Variants in HERC1 observed in about 807,000 individuals in gnomAD.
The protein encoded by HERC1 is HECT and RLD domain containing E3 ubiquitin protein ligase family member 1, also known as probable E3 ubiquitin-protein ligase HERC1.
Under a neutral mutation model 554.3 loss-of-function variants are expected in HERC1, and 160 were observed. The ratio of observed to expected loss-of-function variants is 0.29; its 90% CI spans 0.25 to 0.33. HERC1 has a LOEUF of 0.33. Ranked by LOEUF, HERC1 falls within the 10% of genes least tolerant of loss-of-function variation. The probability of loss-of-function intolerance (pLI) is 1.00; values close to 1 mark genes in which losing one functional copy is unlikely to be tolerated. For missense variants in HERC1, 4,919 were observed against 5,918.5 expected, an observed-to-expected ratio of 0.83 and a Z score of 5.54; for synonymous variants, 2,175 against 2,131.7, an observed-to-expected ratio of 1.02 and a Z score of -0.56.
rs2075856790 is a variant in HERC1 at position 63,768,656 on chromosome 15, G to A, written c.931-4465C>T. 4.6e-5 allele frequency among the ~76,000 whole-genome samples: 7 copies of A among 152,268 alleles called. 1 individual carries two copies. In the South Asian group the frequency reaches 1.5e-3, roughly 32 times the overall value. On this transcript the variant is annotated intron_variant, in intron 2 of 77. Coordinates refer to ENST00000443617, the MANE Select transcript of HERC1 (RefSeq NM_003922.4). ...GTACCTTTCTAGGAGCTGGCACCAG[G>A]GCCATCATGATCCCTCTTTTATGCC...
At chr15:63,668,412 G>A (rs779613526) in intron 40 of HERC1, among the ~76,000 whole-genome samples, 5 of 152,164 alleles carry the variant, frequency 3.3e-5, no homozygotes, top group Admixed American at 6.5e-5. Flanking sequence ...AGAACTGCTT[G>A]AGCCCAAGAG....
rs1212727236 is a variant in HERC1 at position 63,712,921 on chromosome 15, GT to G, written c.4464-27del. Reference sequence around the variant, plus strand: ...CTGTCTCACATGTACAAAAAAAAAAGTTTTTTGATTTAGGACTGTTAGTGAA... The same window carrying G: ...CTGTCTCACATGTACAAAAAAAAAAGTTTTTGATTTAGGACTGTTAGTGAA... On this transcript the variant is annotated intron_variant, in intron 23 of 77. Coordinates refer to ENST00000443617, the MANE Select transcript of HERC1 (RefSeq NM_003922.4). 3.1e-6 allele frequency: 5 copies of G among 1,591,360 alleles called. No homozygotes were observed. The East Asian group carries it at 1.1e-4, about 36-fold the overall frequency.
chr15:63,673,358 C>T (rs2071032276), intron 38 of HERC1, among the ~76,000 whole-genome samples: 1 of 152,124 alleles, frequency 6.6e-6, no homozygotes. Flanking sequence ...TACTTATATA[C>T]ACCATGTACC....
At chr15:63,788,183 A>G (rs993525741) in intron 1 of HERC1, among the ~76,000 whole-genome samples, 30 of 152,204 alleles carry the variant, frequency 2.0e-4, no homozygotes, top group African/African-American at 7.0e-4. Context: ...TTGGGTTTCT[A>G]TTCTATAATC....
rs368913039 is a variant in HERC1, at chr15:63,654,329, A to G, written c.10085-5T>C. 15 of 1,609,278 alleles carry G rather than the reference A, an allele frequency of 9.3e-6. No homozygotes were observed. The African/African-American group carries it at 1.9e-4, about 20-fold the overall frequency. On this transcript the variant is annotated splice_polypyrimidine_tract_variant and splice_region_variant and intron_variant, in intron 50 of 77. Transcript: ENST00000443617. ...CATTAGCCAACTCCAGAGGGCCTACAGCAGAAGGATCATAGGAAGGATGGG... is the reference window on the plus strand; with the variant it reads ...CATTAGCCAACTCCAGAGGGCCTACGGCAGAAGGATCATAGGAAGGATGGG...
At position 63,624,225 on chromosome 15, in the gene HERC1, T is replaced by A; in HGVS notation, c.13378A>T (p.Ile4460Leu). The A allele has an allele frequency of 6.2e-7, 1 of 1,613,984 alleles. No homozygotes were observed. The highest frequency in any genetic ancestry group is 1.1e-5 in the South Asian group (1 of 91,080). ...TTGCCTTGAACCATGGTTTTTCCTATGGAGCGCACCATTGGCAGAGTGTAG... is the reference window on the plus strand; with the variant it reads ...TTGCCTTGAACCATGGTTTTTCCTAAGGAGCGCACCATTGGCAGAGTGTAG... ...RVYTLPMVRS[I>L]GKTMVQGKNY... The change falls in exon 72 of 78, where the codon ATA becomes TTA. Residue 4460 changes from isoleucine to leucine, a missense_variant. Physicochemically the swap from Ile to Leu is conservative, Grantham distance 5. Coordinates refer to ENST00000443617, the MANE Select transcript of HERC1 (RefSeq NM_003922.4).
In HERC1 at chr15:63,749,500, G is replaced by A; in HGVS notation, c.2086C>T (p.Gln696Ter). Residue 696 changes from glutamine to a stop codon, truncating the protein, a stop_gained, in exon 10 of 78, where the codon CAA becomes TAA. Transcript: ENST00000443617. LOFTEE classifies it high-confidence loss of function. This position sits in a 1 kb window ranked among gnomAD's most constrained non-coding sequence, Gnocchi z 4.1. ...CCTGTGGAATTTCCCTGACCACATT[G>A]CCCCATTGAGTTATTGCCCCAGGCA... ...VYAWGNNSMG[Q>*]CGQGNSTGPI... is the part of the protein sequence containing the mutation. 1 of 1,613,084 alleles carries A rather than the reference G, an allele frequency of 6.2e-7. No individual in the cohort carries two copies. Among genetic ancestry groups the A allele is most frequent in the Non-Finnish European group, 8.5e-7 (1 of 1,179,452 alleles).
Position 63,754,555 on chromosome 15 carries a change from G to A in HERC1, c.1724C>T (p.Ala575Val), listed in dbSNP as rs2075358321. The A allele has an allele frequency of 1.9e-6, 3 of 1,613,454 alleles. No individual in the cohort carries two copies. The highest frequency in any genetic ancestry group is 2.2e-5 in the East Asian group (1 of 44,824). ...EVSCGSSHTI[A>V]LSKDGRTVWS... is the part of the protein sequence containing the mutation. The stretch of plus-strand genomic sequence containing the variant: ...TACAGTTCTCCCATCTTTAGACAGA[G>A]CAATAGTATGTGAACTGCCACAAGA... Residue 575 changes from alanine to valine, a missense_variant, in exon 7 of 78, where the codon GCT (alanine) becomes GTT (valine). Physicochemically the swap from Ala to Val is moderately conservative, Grantham distance 64 (BLOSUM62 0). Transcript: ENST00000443617.
intron 34 of HERC1, among the ~76,000 whole-genome samples, chr15:63,682,111 G>C (rs1431389393): frequency 6.6e-6 from 1 of 152,072 alleles, no homozygotes; most frequent in Non-Finnish European, 1.5e-5. Flanking sequence ...TGGGGAAAAA[G>C]AAAGAGACGA....
intron 44 of HERC1, among the ~76,000 whole-genome samples, chr15:63,662,665 A>C (rs1300599911): frequency 6.6e-6 from 1 of 152,158 alleles, no homozygotes; most frequent in Non-Finnish European, 1.5e-5. Flanking sequence ...ATGTTATATA[A>C]CCTGTCAACG....
rs779355856 is a variant in HERC1 at position 63,716,368 on chromosome 15, C to T, written c.4084G>A (p.Glu1362Lys). ...EMEEQAERDR[E>K]EGHPEPEDEE... is the part of the protein sequence containing the mutation. ...TCCTCTGGCTCCGGATGCCCCTCTT[C>T]CCGGTCTCTCTCAGCCTGTTCTTCC... The change falls in exon 22 of 78, where the codon GAA (glutamate) becomes AAA (lysine). Residue 1362 changes from glutamate (E) to lysine (K), a missense_variant. This residue lies in a region of HERC1 where 1,121 missense variants were observed against 1,244.0 expected (regional missense o/e 0.90). Coordinates refer to ENST00000443617, the MANE Select transcript of HERC1 (RefSeq NM_003922.4). The T allele has an allele frequency of 1.9e-6, 3 of 1,613,902 alleles. No homozygotes were observed. The highest frequency in any genetic ancestry group is 2.5e-6 in the Non-Finnish European group (3 of 1,179,830).
chr15:63,680,902 C>A lies in HERC1; in HGVS notation c.6226-126G>T. On this transcript the variant is annotated intron_variant, in intron 34 of 77. Coordinates refer to ENST00000443617, the MANE Select transcript of HERC1 (RefSeq NM_003922.4). This position sits in a 1 kb window ranked among gnomAD's most constrained non-coding sequence, Gnocchi z 5.8. ...TGCATTTATGGAAACATGTTATTTTCAGCATAAATAAAAATAACACGAAAA... is the reference window on the plus strand; with the variant it reads ...TGCATTTATGGAAACATGTTATTTTAAGCATAAATAAAAATAACACGAAAA... 1.6e-6 allele frequency: 1 copy of A among 631,566 alleles called. No individual in the cohort carries two copies. The highest frequency in any genetic ancestry group is 3.2e-5 in the Admixed American group (1 of 31,626). The allele number at this position is 631,566 out of a possible 1,614,324, so 39.1% of individuals were successfully genotyped here. A position where few individuals can be genotyped will look rare whatever the true frequency, so the allele number is the denominator to read the frequency against.
intron 24 of HERC1, among the ~76,000 whole-genome samples, chr15:63,710,584 T>A (rs964958052): frequency 6.6e-6 from 1 of 152,192 alleles, no homozygotes; most frequent in African/African-American, 2.4e-5. Flanking sequence ...TAAGACTAAC[T>A]GATCAATGAA....
intron 14 of HERC1, among the ~76,000 whole-genome samples, chr15:63,730,119 G>C (rs1350732751): frequency 6.7e-6 from 1 of 148,628 alleles, no homozygotes; most frequent in African/African-American, 2.5e-5. Context: ...GCTATTAGAT[G>C]GTAAAATTCA....
chr15:63,624,099 A>G, intron 72 of HERC1, 59 bp downstream of exon 72: 10 of 1,458,510 alleles, frequency 6.9e-6, no homozygotes, highest in Non-Finnish European at 9.4e-6. Flanking sequence ...AGAAATTAGT[A>G]ATAACATCCA....
chr15:63,615,963 T>A (rs1359911820), intron 75 of HERC1, 43 bp from the exon 76 acceptor site: 2 of 1,489,294 alleles, frequency 1.3e-6, no homozygotes, highest in Admixed American at 2.5e-5. Flanking sequence ...ATGGTAGAAA[T>A]GACAGCAAAA....
intron 12 of HERC1, among the ~76,000 whole-genome samples, chr15:63,739,957 C>A (rs1236873411): frequency 1.3e-5 from 2 of 151,944 alleles, no homozygotes; most frequent in Non-Finnish European, 2.9e-5. Flanking sequence ...GTTGCCCAGG[C>A]TAGCATGCAG....
rs118083377 is a variant in HERC1, at chr15:63,652,798, G to A, written c.10291-257C>T. 4.6e-5 allele frequency among the ~76,000 whole-genome samples: 7 copies of A among 152,134 alleles called. 1 individual carries two copies. In the East Asian group the frequency reaches 5.8e-4, roughly 13 times the overall value. On this transcript the variant is annotated intron_variant, in intron 51 of 77. Coordinates refer to ENST00000443617, the MANE Select transcript of HERC1 (RefSeq NM_003922.4). ...CTCCAAACAGCTGGATTACAGGCAC[G>A]TGCCACCACAACTGGATAATTTTTG...
chr15:63,654,911 C>A (rs1186566547), intron 50 of HERC1, among the ~76,000 whole-genome samples: 2 of 152,026 alleles, frequency 1.3e-5, no homozygotes, highest in African/African-American at 2.4e-5. Flanking sequence ...ATAGTCTTTG[C>A]TCCAAGGACT....
Sources: gnomAD v4.1 joint callset for allele counts (sites outside exome capture counted in the v4.1 genomes callset) on GRCh38, gnomAD v4.1.1 for gene constraint, gnomAD v4.1.1 regional missense constraint, Gnocchi (gnomAD v3.1) non-coding constraint, MANE v1.5 for transcripts, NCBI Gene and HGNC (gene_info 2026-07-23, HGNC 2026-07-21) for gene names.